The following GRM5 variants were observed in gnomAD, a reference collection of about 807,000 sequenced individuals.
GRM5 encodes the protein metabotropic glutamate receptor 5.
GRM5 carries 19 observed loss-of-function variants against 83.1 expected under a neutral mutation model. That is an observed-to-expected ratio of 0.23 (90% CI 0.16 to 0.34). The LOEUF (loss-of-function observed/expected upper bound fraction) is 0.34, where lower values mean the gene tolerates loss of function less well. Ranked by LOEUF, GRM5 falls within the 10% of genes least tolerant of loss-of-function variation. The probability of loss-of-function intolerance (pLI) is 1.00; values close to 1 mark genes in which losing one functional copy is unlikely to be tolerated. For synonymous variants in GRM5, 675 were observed against 633.6 expected (o/e 1.07, Z -0.98); for missense variants, 1,160 against 1,588.3 (o/e 0.73, Z 4.58).
At chr11:88,532,263 A>C (rs1219009393) in intron 8 of GRM5, among the ~76,000 whole-genome samples, 2 of 152,136 alleles carry the variant, frequency 1.3e-5, no homozygotes, top group Non-Finnish European at 2.9e-5. Context: ...TTACAAAGCA[A>C]ATTTAAATTC....
At chr11:88,739,736 A>C (rs1591479767) in intron 3 of GRM5, among the ~76,000 whole-genome samples, 1 of 151,940 alleles carries the variant, frequency 6.6e-6, no homozygotes, top group Non-Finnish European at 1.5e-5. Flanking sequence ...ACTTGCTTCT[A>C]CTTACATCAT....
chr11:88,955,662 T>C (rs538955), intron 2 of GRM5, among the ~76,000 whole-genome samples: 65,023 of 151,998 alleles, frequency 0.43, 15,707 homozygotes, highest in South Asian at 0.65. Context: ...TCCTGAACTT[T>C]CTTGCTTCTT....
At chr11:88,939,908 A>G (rs1436486702) in intron 2 of GRM5, among the ~76,000 whole-genome samples, 1 of 151,902 alleles carries the variant, frequency 6.6e-6, no homozygotes, top group Non-Finnish European at 1.5e-5. Context: ...CCATGTGCAA[A>G]TAACTGTACA....
intron 3 of GRM5, among the ~76,000 whole-genome samples, chr11:88,696,408 A>G (rs1940903202): frequency 6.6e-6 from 1 of 152,100 alleles, no homozygotes; most frequent in African/African-American, 2.4e-5. Context: ...GCCTGTTATC[A>G]CTTAGGTCTG....
chr11:88,835,169 T>C (rs1169766491), intron 3 of GRM5, among the ~76,000 whole-genome samples: 5 of 152,216 alleles, frequency 3.3e-5, no homozygotes, highest in African/African-American at 1.2e-4. Context: ...GAAGTCTTAC[T>C]GGAGTTCAGG....
intron 3 of GRM5, among the ~76,000 whole-genome samples, chr11:88,678,607 C>G (rs918803710): frequency 3.3e-5 from 5 of 152,016 alleles, no homozygotes; most frequent in African/African-American, 9.7e-5. Flanking sequence ...GTACAAAATA[C>G]CCACTGAATA....
chr11:88,897,092 G>A (rs1383891554), intron 2 of GRM5, among the ~76,000 whole-genome samples: 1 of 151,842 alleles, frequency 6.6e-6, no homozygotes, highest in East Asian at 1.9e-4. Context: ...AATCATGGAT[G>A]GCTAAACCTA....
intron 4 of GRM5, among the ~76,000 whole-genome samples, chr11:88,652,219 A>T (rs938106501): frequency 6.6e-6 from 1 of 152,218 alleles, no homozygotes; most frequent in East Asian, 1.9e-4. Flanking sequence ...TTCATGTTCA[A>T]TTTGCATTTT....
intron 2 of GRM5, among the ~76,000 whole-genome samples, chr11:88,915,747 G>T (rs1438399484): frequency 1.3e-5 from 2 of 152,100 alleles, no homozygotes; most frequent in Non-Finnish European, 2.9e-5. Context: ...GGTTTCTTTG[G>T]AGGATCTTCA....
chr11:89,054,506 G>C (rs141277042), intron 1 of GRM5, among the ~76,000 whole-genome samples: 187 of 152,240 alleles, frequency 1.2e-3, no homozygotes, highest in African/African-American at 4.3e-3. Flanking sequence ...TCTGAAGAGA[G>C]GTCTGAACAG....
At chr11:88,612,649 T>C (rs930411298) in intron 4 of GRM5, among the ~76,000 whole-genome samples, 12 of 40,750 alleles carry the variant, frequency 2.9e-4, no homozygotes, top group Admixed American at 2.3e-3. Context: ...GACTTTTTAA[T>C]GATTGCCATT....
intron 3 of GRM5, among the ~76,000 whole-genome samples, chr11:88,833,032 C>T (rs756427868): frequency 1.3e-5 from 2 of 151,898 alleles, no homozygotes; most frequent in Non-Finnish European, 2.9e-5. Context: ...ATAGAGGAAA[C>T]ACTTGAGGAC....
intron 2 of GRM5, among the ~76,000 whole-genome samples, chr11:89,012,248 C>T (rs117091071): frequency 0.014 from 2,082 of 152,166 alleles, 20 homozygotes; most frequent in Non-Finnish European, 0.022. Context: ...ATGGAGATTT[C>T]GGAAATGAAG....
At chr11:88,529,933 T>C (rs1941969432) in intron 8 of GRM5, among the ~76,000 whole-genome samples, 1 of 151,990 alleles carries the variant, frequency 6.6e-6, no homozygotes, top group Non-Finnish European at 1.5e-5. Flanking sequence ...AAAAGCTTCA[T>C]TTTGGAATAT....
chr11:88,869,844 A>G (rs1455152253), intron 2 of GRM5, among the ~76,000 whole-genome samples: 1 of 151,600 alleles, frequency 6.6e-6, no homozygotes, highest in Non-Finnish European at 1.5e-5. Flanking sequence ...AGGTGTAAGG[A>G]GGTAAATCTG....
Position 88,508,693 on chromosome 11 carries a change from G to T in GRM5, c.3538C>A (p.Pro1180Thr). 1.2e-6 allele frequency: 2 copies of T among 1,605,886 alleles called. No homozygotes were observed. Among genetic ancestry groups the T allele is most frequent in the Non-Finnish European group, 8.5e-7 (1 of 1,176,412 alleles). The change falls in exon 10 of 10, where the codon CCC becomes ACC. Residue 1180 changes from proline to threonine, a missense_variant. Pro to Thr is a conservative substitution (Grantham distance 38). Around this residue, in one of 9 missense-constraint regions of GRM5, gnomAD observed 562 missense variants for 532.4 expected, o/e 1.06. Transcript: ENST00000305447. The surrounding 1 kb of genome is among the most constrained non-coding windows in gnomAD (Gnocchi z 4.2). ...GCCGACTCGGACACTGGCGAGTTGG[G>T]GGTTGTGCTCCCCGAGTCCACCGAG... Reference protein sequence around the residue: ...RDSVDSGSTTPNSPVSESALC... With the variant: ...RDSVDSGSTTTNSPVSESALC...
chr11:88,727,265 C>T (rs1316314271), intron 3 of GRM5, among the ~76,000 whole-genome samples: 1 of 151,668 alleles, frequency 6.6e-6, no homozygotes, highest in Non-Finnish European at 1.5e-5. Context: ...GACTTTAAAC[C>T]AACAAAGGTC....
intron 2 of GRM5, among the ~76,000 whole-genome samples, chr11:88,970,791 G>T (rs1312254732): frequency 6.6e-6 from 1 of 152,112 alleles, no homozygotes; most frequent in African/African-American, 2.4e-5. Context: ...CAATATGTAG[G>T]CAGTGGGAAG....
At chr11:88,620,379 T>G (rs72955048) in intron 4 of GRM5, among the ~76,000 whole-genome samples, 1 of 152,330 alleles carries the variant, frequency 6.6e-6, no homozygotes, top group Non-Finnish European at 1.5e-5. Context: ...AAATCAGCAC[T>G]ATGTGGATCA....
Sources: allele counts gnomAD v4.1 joint callset (sites outside exome capture counted in the v4.1 genomes callset), GRCh38; gene constraint gnomAD v4.1.1; regional missense constraint gnomAD v4.1.1; non-coding constraint Gnocchi (gnomAD v3.1); transcripts MANE v1.5; gene names NCBI Gene and HGNC (gene_info 2026-07-23, HGNC 2026-07-21).